The following DPP10 variants were observed in gnomAD, a reference collection of about 807,000 sequenced individuals.
DPP10 encodes inactive dipeptidyl peptidase 10.
In DPP10, 33 loss-of-function variants were observed where a neutral mutation model predicts 120.9. That is an observed-to-expected ratio of 0.27 (90% CI 0.21 to 0.37). DPP10 has a LOEUF of 0.37. Ranked by LOEUF, DPP10 falls within the 10% of genes least tolerant of loss-of-function variation. DPP10 has a pLI of 1.00. For synonymous variants in DPP10, 337 were observed against 326.1 expected, an observed-to-expected ratio of 1.03 and a Z score of -0.36; for missense variants, 816 against 942.8, an observed-to-expected ratio of 0.87 and a Z score of 1.76.
intron 3 of DPP10, among the ~76,000 whole-genome samples, chr2:115,384,220 G>T (rs1278173821): frequency 6.6e-6 from 1 of 152,086 alleles, no homozygotes. Context: ...ATAAAAACTA[G>T]AACCCAGTCC....
intron 2 of DPP10, among the ~76,000 whole-genome samples, chr2:115,333,106 C>T (rs1338012480): frequency 6.6e-6 from 1 of 151,942 alleles, no homozygotes; most frequent in Admixed American, 6.6e-5. Context: ...TCTGGGTGCT[C>T]GTGTATTGGG....
intron 1 of DPP10, among the ~76,000 whole-genome samples, chr2:114,801,280 GAAAA>G (rs1165763409): frequency 1.6e-5 from 1 of 62,846 alleles, no homozygotes; most frequent in African/African-American, 5.4e-5. Flanking sequence ...AAAAAAAAAA[GAAAA>G]AAAGAAAGAA....
intron 1 of DPP10, among the ~76,000 whole-genome samples, chr2:114,577,404 C>T (rs181296925): frequency 1.1e-3 from 175 of 152,268 alleles, no homozygotes; most frequent in African/African-American, 3.8e-3. Flanking sequence ...AAATTGAAAG[C>T]AGAGTGGAGG....
intron 3 of DPP10, among the ~76,000 whole-genome samples, chr2:115,393,164 T>C (rs1405630428): frequency 1.3e-5 from 2 of 151,920 alleles, no homozygotes; most frequent in Admixed American, 1.3e-4. Flanking sequence ...ATTACAAAAA[T>C]TAGCTGGACA....
chr2:115,301,203 A>G (rs2061114089), intron 1 of DPP10, among the ~76,000 whole-genome samples: 2 of 151,926 alleles, frequency 1.3e-5, no homozygotes, highest in East Asian at 3.9e-4. Context: ...GTTCCTCTGT[A>G]CTACTCTTGC....
chr2:115,601,291 A>G (rs17044762), intron 5 of DPP10, among the ~76,000 whole-genome samples: 21,394 of 152,176 alleles, frequency 0.14, 2,696 homozygotes, highest in African/African-American at 0.33. Flanking sequence ...AAGGTTTCCT[A>G]AGATTCAATT....
rs959660600 is a variant in DPP10 at position 115,836,254 on chromosome 2, A to G, written c.2048A>G (p.Tyr683Cys). The G allele has an allele frequency of 1.4e-5, 22 of 1,603,300 alleles. No individual in the cohort carries two copies. The highest frequency in any genetic ancestry group is 2.7e-5 in the African/African-American group (2 of 74,256). Reference protein sequence around the residue: ...VVAPITDLKLYASAFSERYLG... With the variant: ...VVAPITDLKLCASAFSERYLG... ...GCACCTATCACAGACTTGAAATTGTATGGTGAGTACTTTCTACAGACTGAC... is the reference window on the plus strand; with the variant it reads ...GCACCTATCACAGACTTGAAATTGTGTGGTGAGTACTTTCTACAGACTGAC... The change falls in exon 22 of 26, where the codon TAT becomes TGT. Residue 683 changes from tyrosine to cysteine, a missense_variant and splice_region_variant. By Grantham distance (194) the Tyr-to-Cys change is radical. Transcript: ENST00000410059.
intron 1 of DPP10, among the ~76,000 whole-genome samples, chr2:115,261,248 TG>T (rs2059239007): frequency 6.6e-6 from 1 of 152,224 alleles, no homozygotes; most frequent in African/African-American, 2.4e-5. Flanking sequence ...CGGTTGAAAG[TG>T]GTAGATTTCT....
chr2:115,248,780 T>A (rs575586728), intron 1 of DPP10, among the ~76,000 whole-genome samples: 1 of 152,262 alleles, frequency 6.6e-6, no homozygotes, highest in African/African-American at 2.4e-5. Context: ...TAATTCTTAA[T>A]ACTGCCATGT....
intron 2 of DPP10, among the ~76,000 whole-genome samples, chr2:115,339,875 T>C (rs559942985): frequency 6.6e-6 from 1 of 152,328 alleles, no homozygotes. Context: ...ACTGTGGTGC[T>C]GGTCACCTGT....
chr2:115,459,313 C>G (rs745668503), intron 3 of DPP10, among the ~76,000 whole-genome samples: 7 of 151,984 alleles, frequency 4.6e-5, no homozygotes, highest in Non-Finnish European at 8.8e-5. Context: ...CGTGCCACCA[C>G]GCCCGGCTAA....
intron 7 of DPP10, among the ~76,000 whole-genome samples, chr2:115,727,593 C>G (rs1173292051): frequency 1.3e-5 from 2 of 152,034 alleles, no homozygotes; most frequent in Non-Finnish European, 2.9e-5. Context: ...AGCATCAATA[C>G]CAAGTGCCAT....
intron 2 of DPP10, among the ~76,000 whole-genome samples, chr2:115,321,024 G>A (rs1487616670): frequency 6.6e-6 from 1 of 152,160 alleles, no homozygotes; most frequent in Non-Finnish European, 1.5e-5. Context: ...TCTTGGCTGG[G>A]AGCAGTGGTT....
At chr2:114,446,815 C>T (rs1227199544) in intron 1 of DPP10, among the ~76,000 whole-genome samples, 1 of 152,086 alleles carries the variant, frequency 6.6e-6, no homozygotes, top group Non-Finnish European at 1.5e-5. Context: ...ACTTCTAATC[C>T]ATAGCCTCAG....
intron 2 of DPP10, among the ~76,000 whole-genome samples, chr2:115,331,585 G>A (rs911931839): frequency 3.3e-5 from 5 of 152,116 alleles, no homozygotes; most frequent in African/African-American, 1.2e-4. Flanking sequence ...TTATTATTTT[G>A]AGATATGTCC....
intron 1 of DPP10, among the ~76,000 whole-genome samples, chr2:114,963,900 G>A (rs1698825883): frequency 6.6e-6 from 1 of 152,168 alleles, no homozygotes; most frequent in African/African-American, 2.4e-5. Context: ...GTAAAACTCT[G>A]CAAATATTCT....
At chr2:114,446,181 T>A (rs1573371256) in intron 1 of DPP10, among the ~76,000 whole-genome samples, 1 of 152,348 alleles carries the variant, frequency 6.6e-6, no homozygotes, top group East Asian at 1.9e-4. Context: ...CCATTATGGC[T>A]TCTCTTGGCT....
intron 3 of DPP10, among the ~76,000 whole-genome samples, chr2:115,413,440 A>G (rs895331493): frequency 2.0e-5 from 3 of 152,176 alleles, no homozygotes; most frequent in South Asian, 2.1e-4. Context: ...GTAGTGGAGC[A>G]TGAGGGTAGG....
At chr2:115,429,855 A>G (rs1453323195) in intron 3 of DPP10, among the ~76,000 whole-genome samples, 1 of 152,200 alleles carries the variant, frequency 6.6e-6, no homozygotes, top group African/African-American at 2.4e-5. Context: ...ACTCTGTTGA[A>G]AAAGTAACGC....
Sources: gnomAD v4.1 joint callset for allele counts (sites outside exome capture counted in the v4.1 genomes callset) on GRCh38, gnomAD v4.1.1 for gene constraint, MANE v1.5 for transcripts, NCBI Gene and HGNC (gene_info 2026-07-23, HGNC 2026-07-21) for gene names.